The following SHISA9 variants were observed in gnomAD, a reference collection of about 807,000 sequenced individuals.
SHISA9 encodes protein shisa-9.
A neutral mutation model predicts 38.0 loss-of-function variants in SHISA9; 13 were observed. The ratio of observed to expected loss-of-function variants is 0.34; its 90% CI spans 0.22 to 0.54. The LOEUF is 0.54. Among genes scored for constraint, SHISA9 ranks in the 20% least tolerant of loss-of-function variants. The pLI is 0.91. For missense variants in SHISA9, 538 were observed against 575.8 expected (o/e 0.93, Z 0.67); for synonymous variants, 275 against 242.0 (o/e 1.14, Z -1.27).
intron 3 of SHISA9, among the ~76,000 whole-genome samples, chr16:13,212,676 T>C (rs2051131891): frequency 6.6e-6 from 1 of 152,170 alleles, no homozygotes; most frequent in South Asian, 2.1e-4. Context: ...CTTCATTCAG[T>C]CATATTTTCC....
At chr16:12,963,251 A>G (rs1055487924) in intron 2 of SHISA9, among the ~76,000 whole-genome samples, 1 of 152,192 alleles carries the variant, frequency 6.6e-6, no homozygotes, top group African/African-American at 2.4e-5. Flanking sequence ...TGGTGAGGAC[A>G]TGGAGTGCAT....
the SHISA9 span, among the ~76,000 whole-genome samples, chr16:13,561,470 C>A: frequency 6.6e-6 from 1 of 152,182 alleles, no homozygotes; most frequent in African/African-American, 2.4e-5. Flanking sequence ...GAGAAACAAG[C>A]CGTGGGCAGG....
intron 2 of SHISA9, among the ~76,000 whole-genome samples, chr16:13,130,821 A>G (rs2050300168): frequency 6.6e-6 from 1 of 152,228 alleles, no homozygotes; most frequent in Non-Finnish European, 1.5e-5. Context: ...TGTTCCAACA[A>G]GACTTTATTT....
chr16:13,195,802 G>A (rs563213157), intron 2 of SHISA9, among the ~76,000 whole-genome samples: 4 of 151,966 alleles, frequency 2.6e-5, no homozygotes, highest in Non-Finnish European at 5.9e-5. Flanking sequence ...GACAAATTCC[G>A]TTTGGCCAGG....
intron 2 of SHISA9, among the ~76,000 whole-genome samples, chr16:13,151,385 G>T (rs1484837918): frequency 6.6e-6 from 1 of 152,152 alleles, no homozygotes; most frequent in Non-Finnish European, 1.5e-5. Context: ...GGGATGACAG[G>T]CATGAGCCAC....
At chr16:13,262,654 A>AAGGGAGGG in the SHISA9 span, among the ~76,000 whole-genome samples, 1 of 47,716 alleles carries the variant, frequency 2.1e-5, no homozygotes, top group Non-Finnish European at 4.1e-5. Flanking sequence ...GGAAGGAAGG[A>AAGGGAGGG]AGGAAGGAAG....
At chr16:12,970,358 T>C (rs1159325752) in intron 2 of SHISA9, among the ~76,000 whole-genome samples, 2 of 68,034 alleles carry the variant, frequency 2.9e-5, no homozygotes, top group Non-Finnish European at 6.2e-5. Context: ...TATGTGTATA[T>C]ATATATATAT....
In SHISA9 at chr16:12,914,354, T is replaced by G. The variant is rs369000056; in HGVS notation, c.564-2334T>G. Among the ~76,000 whole-genome samples, 14 of 152,292 alleles carry G rather than the reference T, an allele frequency of 9.2e-5. No individual in the cohort carries two copies. The South Asian group carries it at 2.7e-3, about 29-fold the overall frequency. On this transcript the variant is annotated intron_variant, in intron 1 of 4. Transcript: ENST00000558583. ...CCACCGTGCCCGGTAGTTTATCTAC[T>G]TAACATGTTTGTTTATTTTTTTTTT...
intron 2 of SHISA9, among the ~76,000 whole-genome samples, chr16:13,116,426 T>C (rs1261898046): frequency 2.0e-5 from 3 of 152,164 alleles, no homozygotes; most frequent in African/African-American, 7.2e-5. Context: ...CAGAGTGACA[T>C]TGCTGAAGGT....
At chr16:12,926,631 C>T (rs1200781200) in intron 2 of SHISA9, among the ~76,000 whole-genome samples, 3 of 151,984 alleles carry the variant, frequency 2.0e-5, no homozygotes, top group Admixed American at 6.6e-5. Flanking sequence ...TGCCATGGAG[C>T]CAGAAGGAGG....
intron 2 of SHISA9, among the ~76,000 whole-genome samples, chr16:12,941,314 G>A (rs1293305864): frequency 2.0e-5 from 3 of 152,130 alleles, no homozygotes; most frequent in Non-Finnish European, 4.4e-5. Flanking sequence ...TCATGCCACT[G>A]CTCTCCAGCC....
intron 2 of SHISA9, among the ~76,000 whole-genome samples, chr16:13,181,265 TTTTATATATATATA>T (rs1309611291): frequency 4.4e-4 from 40 of 91,604 alleles, no homozygotes; most frequent in African/African-American, 1.4e-3. Flanking sequence ...TAAAATAAAA[TTTTATATATATATA>T]TATATATATA....
intron 2 of SHISA9, among the ~76,000 whole-genome samples, chr16:12,985,404 C>T (rs985929214): frequency 2.0e-5 from 3 of 152,108 alleles, no homozygotes; most frequent in Admixed American, 1.3e-4. Flanking sequence ...CTTGCTGAGT[C>T]TCAGTTTGTG....
intron 2 of SHISA9, among the ~76,000 whole-genome samples, chr16:13,149,526 C>T (rs2050478383): frequency 6.6e-6 from 1 of 152,146 alleles, no homozygotes; most frequent in Admixed American, 6.6e-5. Flanking sequence ...TTTCTGGCAC[C>T]TCATCTATTA....
At chr16:13,059,493 C>G (rs996632343) in intron 2 of SHISA9, among the ~76,000 whole-genome samples, 1 of 151,878 alleles carries the variant, frequency 6.6e-6, no homozygotes, top group Non-Finnish European at 1.5e-5. Flanking sequence ...GGGTGGGGGA[C>G]ATCACATACT....
chr16:13,116,720 C>T (rs1025174708), intron 2 of SHISA9, among the ~76,000 whole-genome samples: 2 of 152,150 alleles, frequency 1.3e-5, no homozygotes, highest in African/African-American at 4.8e-5. Flanking sequence ...GTGTCAGTTT[C>T]TCTCTCTGAA....
intron 2 of SHISA9, among the ~76,000 whole-genome samples, chr16:12,989,591 C>T (rs2141831032): frequency 6.6e-6 from 1 of 152,182 alleles, no homozygotes; most frequent in African/African-American, 2.4e-5. Context: ...AGCCACCACT[C>T]CTGGCCCAGC....
At chr16:13,159,089 C>T (rs2050573768) in intron 2 of SHISA9, among the ~76,000 whole-genome samples, 1 of 149,012 alleles carries the variant, frequency 6.7e-6, no homozygotes, top group Non-Finnish European at 1.5e-5. Context: ...CAAAAACAAA[C>T]AACAAAAGAA....
chr16:13,097,594 G>A (rs1008796755), intron 2 of SHISA9, among the ~76,000 whole-genome samples: 47 of 152,014 alleles, frequency 3.1e-4, no homozygotes, highest in Non-Finnish European at 5.4e-4. Context: ...TTTAGAGATG[G>A]GGTCTTACTA....
Sources: allele counts gnomAD v4.1 joint callset (sites outside exome capture counted in the v4.1 genomes callset), GRCh38; gene constraint gnomAD v4.1.1; transcripts MANE v1.5; gene names NCBI Gene and HGNC (gene_info 2026-07-23, HGNC 2026-07-21).